CHN2: variants seen among roughly 807,000 people sequenced by gnomAD.
CHN2 encodes chimerin 2, also known as beta-chimaerin.
In CHN2, 35 loss-of-function variants were observed where a neutral mutation model predicts 56.3. That is an observed-to-expected ratio of 0.62 (90% confidence interval 0.47 to 0.82). CHN2 has a LOEUF of 0.82. Ranked by LOEUF, CHN2 falls within the 40% of genes least tolerant of loss-of-function variation. The probability of loss-of-function intolerance (pLI) is 0.00; values close to 1 mark genes in which losing one functional copy is unlikely to be tolerated. For missense variants in CHN2, 491 were observed against 580.5 expected (o/e 0.85, Z 1.58); for synonymous variants, 210 against 212.8 (o/e 0.99, Z 0.12).
rs530970470 is a variant in CHN2 at position 29,175,924 on chromosome 7, T to C, written c.274+28964T>C. Among the ~76,000 whole-genome samples the C allele has an allele frequency of 1.5e-4, 23 of 152,238 alleles. No homozygotes were observed. The East Asian group carries it at 1.7e-3, about 12-fold the overall frequency. ...AAGACCAGACGGGCGCGGTGGCTCA[T>C]GCCTGTAATCCCAGCACTTTGGGAG... is the stretch of plus-strand genomic sequence containing the variant. On this transcript the variant is annotated intron_variant, in intron 2 of 6. Coordinates refer to the CHN2 transcript ENST00000439384.
chr7:29,320,672 A>G (rs1484859189), intron 1 of CHN2, among the ~76,000 whole-genome samples: 4 of 152,090 alleles, frequency 2.6e-5, no homozygotes, highest in East Asian at 3.9e-4. Context: ...CTTGTTATCA[A>G]ACTGTCTCGT....
In CHN2 at chr7:29,512,700, C is replaced by T. The variant is rs771928038; in HGVS notation, c.1372C>T (p.Gln458Ter). The change falls in exon 13 of 13, where the codon CAG (glutamine) becomes TAG (stop). Residue 458 changes from glutamine (Q) to a stop codon, truncating the protein, a stop_gained. Transcript: ENST00000222792. LOFTEE classifies it high-confidence loss of function. ...TATGCGGTACCAAAAGCTGATTGTG[C>T]AGATTTTAATAGAAAACGAAGACGT... ...HDMRYQKLIV[Q>*]ILIENEDVLF 1 of 1,614,162 alleles carries T rather than the reference C, an allele frequency of 6.2e-7. No individual in the cohort carries two copies. Among genetic ancestry groups the T allele is most frequent in the South Asian group, 1.1e-5 (1 of 91,076 alleles).
chr7:29,314,073 A>C (rs1486992468), intron 1 of CHN2, among the ~76,000 whole-genome samples: 1 of 152,220 alleles, frequency 6.6e-6, no homozygotes, highest in African/African-American at 2.4e-5. Context: ...AAAATAATTA[A>C]AGGCAAAATT....
upstream of CHN2, chr7:29,193,373 C>T (rs1232010680): frequency 6.6e-6 from 1 of 152,072 alleles, no homozygotes; most frequent in Non-Finnish European, 1.5e-5. Flanking sequence ...ATCCCCAGGG[C>T]CTAGCTGCTG....
intron 8 of CHN2, among the ~76,000 whole-genome samples, chr7:29,498,147 T>C (rs1480503357): frequency 1.3e-5 from 2 of 152,260 alleles, no homozygotes; most frequent in Non-Finnish European, 2.9e-5. Context: ...CAGATATACT[T>C]ACATTTTTTT....
chr7:29,512,080 A>G (rs1265971195), intron 12 of CHN2, among the ~76,000 whole-genome samples: 3 of 151,832 alleles, frequency 2.0e-5, no homozygotes, highest in Non-Finnish European at 4.4e-5. Context: ...CCCATTCTAC[A>G]CATAACCTTT....
intron 1 of CHN2, among the ~76,000 whole-genome samples, chr7:29,265,074 G>A (rs1484415255): frequency 6.6e-6 from 1 of 152,164 alleles, no homozygotes; most frequent in Non-Finnish European, 1.5e-5. Flanking sequence ...AATGGGGGAC[G>A]TGCTTTTAGA....
intron 6 of CHN2, among the ~76,000 whole-genome samples, chr7:29,465,217 A>G (rs1037630163): frequency 6.6e-6 from 1 of 152,210 alleles, no homozygotes; most frequent in African/African-American, 2.4e-5. Flanking sequence ...AGTGATTCTG[A>G]TCAAATTAAA....
chr7:29,280,301 T>C (rs1028815077), intron 1 of CHN2, among the ~76,000 whole-genome samples: 1 of 151,892 alleles, frequency 6.6e-6, no homozygotes. Context: ...GGAGAATTGC[T>C]TGAACCCAGG....
At chr7:29,339,557 A>G (rs1260039744) in intron 1 of CHN2, among the ~76,000 whole-genome samples, 1 of 152,220 alleles carries the variant, frequency 6.6e-6, no homozygotes, top group African/African-American at 2.4e-5. Flanking sequence ...TGTTAGCCAT[A>G]TTATAACAAT....
chr7:29,505,779 G>A (rs1254732635), intron 10 of CHN2, among the ~76,000 whole-genome samples: 1 of 152,152 alleles, frequency 6.6e-6, no homozygotes, highest in Non-Finnish European at 1.5e-5. Flanking sequence ...TGTCATTGTT[G>A]AGTTGCATGT....
chr7:29,162,489 C>G (rs551090184), intron 2 of CHN2, among the ~76,000 whole-genome samples: 1 of 152,040 alleles, frequency 6.6e-6, no homozygotes, highest in South Asian at 2.1e-4. Flanking sequence ...TGGAGAAGCC[C>G]CATCTCTACT....
At chr7:29,433,336 G>C (rs1782983351) in intron 6 of CHN2, among the ~76,000 whole-genome samples, 1 of 152,024 alleles carries the variant, frequency 6.6e-6, no homozygotes, top group African/African-American at 2.4e-5. Context: ...GTGTAGAACT[G>C]GGAAGGACTG....
chr7:29,504,128 A>G (rs539355455), intron 9 of CHN2, among the ~76,000 whole-genome samples: 144 of 152,366 alleles, frequency 9.5e-4, no homozygotes, highest in African/African-American at 3.4e-3. Flanking sequence ...ACAAGTAAAC[A>G]TGAAAGGCTG....
intron 1 of CHN2, among the ~76,000 whole-genome samples, chr7:29,249,140 C>T (rs965079295): frequency 2.6e-5 from 4 of 152,052 alleles, no homozygotes; most frequent in Non-Finnish European, 5.9e-5. Context: ...GCCGAGAAGC[C>T]CCATGACAGC....
intron 1 of CHN2, chr7:29,213,082 G>T: frequency 6.2e-7 from 1 of 1,605,092 alleles, no homozygotes; most frequent in Non-Finnish European, 8.5e-7. Context: ...ACCTTCCAGT[G>T]ACTTGGAGGC....
At chr7:29,312,911 C>G (rs1794697438) in intron 1 of CHN2, among the ~76,000 whole-genome samples, 1 of 152,042 alleles carries the variant, frequency 6.6e-6, no homozygotes, top group African/African-American at 2.4e-5. Flanking sequence ...ACACTCCAGT[C>G]TCCATGAATG....
chr7:29,428,978 A>G (rs1805146955), intron 6 of CHN2, among the ~76,000 whole-genome samples: 1 of 152,114 alleles, frequency 6.6e-6, no homozygotes, highest in African/African-American at 2.4e-5. Context: ...GGAGGTTTCT[A>G]TGGGCCAGTC....
rs142743524 is a variant in CHN2 at position 29,390,613 on chromosome 7, A to G, written c.145-3066A>G. Among the ~76,000 whole-genome samples, 246 of 152,332 alleles carry G rather than the reference A, an allele frequency of 1.6e-3. 1 individual carries two copies. Among genetic ancestry groups the G allele is most frequent in the Middle Eastern group, 3.4e-3 (1 of 294 alleles). On this transcript the variant is annotated intron_variant, in intron 3 of 12. Coordinates refer to ENST00000222792, the MANE Select transcript of CHN2 (RefSeq NM_004067.4). Reference sequence around the variant, plus strand: ...GAATTTCTGAGTTGCCTTACTTTTTATTTATCAACTATCCTGTCGCCTTCA... The same window carrying G: ...GAATTTCTGAGTTGCCTTACTTTTTGTTTATCAACTATCCTGTCGCCTTCA...
Sources: allele counts gnomAD v4.1 joint callset (sites outside exome capture counted in the v4.1 genomes callset), GRCh38; gene constraint gnomAD v4.1.1; transcripts MANE v1.5; gene names NCBI Gene and HGNC (gene_info 2026-07-23, HGNC 2026-07-21).